The following ACTR3C variants were observed in gnomAD, a reference collection of about 807,000 sequenced individuals.
ACTR3C encodes the protein actin-related protein 3C.
A neutral mutation model predicts 26.3 loss-of-function variants in ACTR3C; 18 were observed. The ratio of observed to expected loss-of-function variants is 0.68; its 90% CI spans 0.47 to 1.01. The LOEUF is 1.01. ACTR3C is among the 50% of genes least tolerant of loss of function. The pLI is 0.00. For missense variants in ACTR3C, 184 were observed against 250.7 expected (o/e 0.73, Z 1.80); for synonymous variants, 55 against 94.5 (o/e 0.58, Z 2.42).
chr7:149,965,046 T>C, the ACTR3C span, among the ~76,000 whole-genome samples: 1 of 152,160 alleles, frequency 6.6e-6, no homozygotes, highest in Non-Finnish European at 1.5e-5. Flanking sequence ...GTCCTTTTTG[T>C]ATTTTCAGGC....
intron 1 of ACTR3C, among the ~76,000 whole-genome samples, chr7:150,302,229 C>T (rs1795481799): frequency 6.6e-6 from 1 of 152,154 alleles, no homozygotes; most frequent in Non-Finnish European, 1.5e-5. Context: ...AAATTTTAAT[C>T]CATTAAATGA....
At chr7:149,907,478 T>TTTCTC in the ACTR3C span, among the ~76,000 whole-genome samples, 3 of 97,606 alleles carry the variant, frequency 3.1e-5, no homozygotes, top group Non-Finnish European at 6.3e-5. Context: ...CTCTCTTCTC[T>TTTCTC]TCTCTCTCTC....
At chr7:150,241,065 G>C (rs1490859233), downstream of ACTR3C, among the ~76,000 whole-genome samples, 1 of 151,608 alleles carries the variant, frequency 6.6e-6, no homozygotes, top group Non-Finnish European at 1.5e-5. Context: ...TAATTAAATG[G>C]AGAGATACAG....
At chr7:150,056,269 A>C in the ACTR3C span, among the ~76,000 whole-genome samples, 5 of 152,212 alleles carry the variant, frequency 3.3e-5, no homozygotes, top group African/African-American at 1.2e-4. Context: ...AGGAGGTATC[A>C]GTGCAAAACC....
intron 1 of ACTR3C, among the ~76,000 whole-genome samples, chr7:150,301,497 T>C: frequency 6.6e-6 from 1 of 152,192 alleles, no homozygotes; most frequent in Non-Finnish European, 1.5e-5. Flanking sequence ...CAAAGGAAAA[T>C]GGGTTTTACC....
chr7:149,992,372 G>A, the ACTR3C span, among the ~76,000 whole-genome samples: 12 of 152,172 alleles, frequency 7.9e-5, no homozygotes, highest in East Asian at 7.7e-4. Context: ...GCACTGGCCC[G>A]ACTTTGACAG....
chr7:150,047,851 C>T, the ACTR3C span: 13 of 1,504,536 alleles, frequency 8.6e-6, no homozygotes, highest in Non-Finnish European at 1.2e-5. Context: ...TACAGCGAAG[C>T]CATCGGGCAC....
At chr7:150,123,745 T>G in the ACTR3C span, among the ~76,000 whole-genome samples, 5 of 152,182 alleles carry the variant, frequency 3.3e-5, no homozygotes, top group Middle Eastern at 6.8e-3. Flanking sequence ...TATTTAAGGC[T>G]CTTTGGTGAC....
chr7:149,936,456 C>CCCA, the ACTR3C span, among the ~76,000 whole-genome samples: 28 of 152,170 alleles, frequency 1.8e-4, no homozygotes, highest in African/African-American at 6.5e-4. Context: ...GCCCATCCTG[C>CCCA]TCATTTTAGC....
the ACTR3C span, among the ~76,000 whole-genome samples, chr7:150,219,453 T>C: frequency 2.1e-5 from 3 of 145,490 alleles, no homozygotes; most frequent in Non-Finnish European, 4.4e-5. Flanking sequence ...GCTGTGCGGC[T>C]TCCCTATGTA....
chr7:150,209,544 T>C, the ACTR3C span, among the ~76,000 whole-genome samples: 1 of 150,888 alleles, frequency 6.6e-6, no homozygotes, highest in Non-Finnish European at 1.5e-5. Context: ...ATATCAAAGT[T>C]CTTTTTTTCA....
the ACTR3C span, among the ~76,000 whole-genome samples, chr7:150,088,927 A>G: frequency 2.6e-5 from 4 of 152,210 alleles, no homozygotes; most frequent in African/African-American, 4.8e-5. Flanking sequence ...ATTCACCCTT[A>G]GGGAATAACA....
At chr7:150,216,432 G>C in the ACTR3C span, among the ~76,000 whole-genome samples, 1 of 151,830 alleles carries the variant, frequency 6.6e-6, no homozygotes, top group Non-Finnish European at 1.5e-5. Context: ...CTGGGGTTGT[G>C]GGGGTGAGGG....
intron 6 of ACTR3C, among the ~76,000 whole-genome samples, chr7:150,253,696 T>C (rs1197262876): frequency 6.6e-6 from 1 of 151,988 alleles, no homozygotes; most frequent in Non-Finnish European, 1.5e-5. Flanking sequence ...TTTGTACTTA[T>C]AGTTTATGCC....
At chr7:150,126,100 A>C in the ACTR3C span, among the ~76,000 whole-genome samples, 1 of 152,238 alleles carries the variant, frequency 6.6e-6, no homozygotes, top group Non-Finnish European at 1.5e-5. Context: ...AAATGAGACT[A>C]GATGTGAAAC....
At chr7:149,908,694 C>G in the ACTR3C span, among the ~76,000 whole-genome samples, 4 of 152,190 alleles carry the variant, frequency 2.6e-5, no homozygotes, top group Non-Finnish European at 4.4e-5. Flanking sequence ...AGAGAACAGA[C>G]TTTCACTTTC....
the ACTR3C span, among the ~76,000 whole-genome samples, chr7:150,126,441 A>G: frequency 6.6e-6 from 1 of 152,226 alleles, no homozygotes; most frequent in Non-Finnish European, 1.5e-5. Context: ...TTCATTAGGA[A>G]CTAAATCTCT....
At chr7:149,955,551 C>T in the ACTR3C span, among the ~76,000 whole-genome samples, 2 of 151,888 alleles carry the variant, frequency 1.3e-5, no homozygotes, top group Non-Finnish European at 2.9e-5. Flanking sequence ...TGAGGAAGGG[C>T]GGGGAAAAGA....
chr7:150,198,605 C>G, the ACTR3C span, among the ~76,000 whole-genome samples: 1 of 148,766 alleles, frequency 6.7e-6, no homozygotes, highest in African/African-American at 2.6e-5. Flanking sequence ...ATCCTCCGCC[C>G]GGCAGCCGCC....
Sources: allele counts gnomAD v4.1 joint callset (sites outside exome capture counted in the v4.1 genomes callset), GRCh38; gene constraint gnomAD v4.1.1; transcripts MANE v1.5; gene names NCBI Gene and HGNC (gene_info 2026-07-23, HGNC 2026-07-21).